Variants in GRIN3A observed in about 807,000 individuals in gnomAD.
GRIN3A encodes the protein glutamate ionotropic receptor NMDA type subunit 3A.
A neutral mutation model predicts 92.4 loss-of-function variants in GRIN3A; 47 were observed. The ratio of observed to expected loss-of-function variants is 0.51; its 90% CI spans 0.40 to 0.65. GRIN3A has a LOEUF of 0.65. Ranked by LOEUF, GRIN3A falls within the 30% of genes least tolerant of loss-of-function variation. GRIN3A has a pLI of 0.00. For synonymous variants in GRIN3A, 527 were observed against 540.6 expected (o/e 0.97, Z 0.35); for missense variants, 1,324 against 1,393.1 (o/e 0.95, Z 0.79).
At chr9:101,611,195 G>T (rs535208964) in intron 6 of GRIN3A, among the ~76,000 whole-genome samples, 1 of 152,036 alleles carries the variant, frequency 6.6e-6, no homozygotes, top group Admixed American at 6.6e-5. Flanking sequence ...GTGTCAGCAG[G>T]GTTAGTTCCT....
chr9:101,711,534 C>T (rs1008131601), intron 1 of GRIN3A, among the ~76,000 whole-genome samples: 1 of 152,132 alleles, frequency 6.6e-6, no homozygotes, highest in Non-Finnish European at 1.5e-5. Context: ...CCAGTAGAGG[C>T]CACTAGGGGG....
chr9:101,635,258 C>A (rs562969015), intron 3 of GRIN3A, among the ~76,000 whole-genome samples: 3 of 148,708 alleles, frequency 2.0e-5, no homozygotes, highest in South Asian at 2.1e-4. Flanking sequence ...TAGAGGTCAG[C>A]AAATTACGGT....
At chr9:101,730,545 A>AG (rs1272879506) in intron 1 of GRIN3A, among the ~76,000 whole-genome samples, 9 of 152,316 alleles carry the variant, frequency 5.9e-5, no homozygotes, top group African/African-American at 2.2e-4. Flanking sequence ...ATGTCTAAAA[A>AG]GTTGTACAGC....
intron 1 of GRIN3A, among the ~76,000 whole-genome samples, chr9:101,719,040 G>C (rs1829978104): frequency 6.6e-6 from 1 of 152,200 alleles, no homozygotes; most frequent in South Asian, 2.1e-4. Flanking sequence ...CTGAATGCCT[G>C]AAGTTTGGGA....
At chr9:101,643,281 C>T (rs760308883) in intron 3 of GRIN3A, among the ~76,000 whole-genome samples, 3 of 151,990 alleles carry the variant, frequency 2.0e-5, no homozygotes, top group Admixed American at 6.6e-5. Flanking sequence ...TACAAATAGC[C>T]ACAAAGTATA....
intron 1 of GRIN3A, among the ~76,000 whole-genome samples, chr9:101,728,762 C>A (rs553488157): frequency 1.3e-5 from 2 of 152,224 alleles, no homozygotes; most frequent in Admixed American, 6.5e-5. Context: ...AGTGCATGGG[C>A]ACTGCTTTTA....
At chr9:101,683,827 GGAGAGAGAGAGAGAGACAGTGAGAGA>G (rs1386679462) in intron 2 of GRIN3A, among the ~76,000 whole-genome samples, 22 of 131,958 alleles carry the variant, frequency 1.7e-4, no homozygotes, top group Middle Eastern at 4.0e-3. Context: ...CCCACCATAA[GGAGAGAGAGAGAGAGACAGTGAGAGA>G]GAGAGAGAGA....
intron 2 of GRIN3A, 72 bp downstream of exon 2, chr9:101,686,523 CG>C (rs1457775256): frequency 5.8e-5 from 89 of 1,533,806 alleles, no homozygotes; most frequent in Middle Eastern, 5.0e-4. Flanking sequence ...TTCTGCAAAG[CG>C]GACAGATAGG....
chr9:101,597,328 G>T (rs148195868), intron 6 of GRIN3A, among the ~76,000 whole-genome samples: 2 of 152,110 alleles, frequency 1.3e-5, no homozygotes, highest in African/African-American at 4.8e-5. Flanking sequence ...GGAAGTGGGG[G>T]CTGGGTAGGA....
chr9:101,594,346 C>A, intron 6 of GRIN3A: 1 of 1,525,648 alleles, frequency 6.6e-7, no homozygotes, highest in Non-Finnish European at 8.8e-7. Context: ...ACGTCTTGAG[C>A]AAATCTTGAA....
chr9:101,639,801 G>A (rs925993246), intron 3 of GRIN3A, among the ~76,000 whole-genome samples: 6 of 152,276 alleles, frequency 3.9e-5, no homozygotes, highest in African/African-American at 1.4e-4. Context: ...CTAAAGGTAA[G>A]AAGTTATACA....
chr9:101,616,889 A>T lies in GRIN3A; in HGVS notation c.2615-3362T>A, dbSNP rs1346760227. 4.8e-4 allele frequency among the ~76,000 whole-genome samples: 22 copies of T among 45,584 alleles called. 1 individual carries two copies. Among genetic ancestry groups the T allele is most frequent in the Admixed American group, 4.2e-3 (18 of 4,292 alleles). 29.9% of individuals were successfully genotyped at this position (45,584 alleles called of 152,430 possible). A position where few individuals can be genotyped will look rare whatever the true frequency, so the allele number is the denominator to read the frequency against. The stretch of plus-strand genomic sequence containing the variant: ...ACATGTACCCTAAAACTTAAAGTAT[A>T]AAAAAAAAAAAAAAAAAAAGGAACA... On this transcript the variant is annotated intron_variant, in intron 5 of 8. Transcript: ENST00000361820.
At chr9:101,638,264 A>C (rs1828809909) in intron 3 of GRIN3A, among the ~76,000 whole-genome samples, 1 of 152,194 alleles carries the variant, frequency 6.6e-6, no homozygotes, top group Non-Finnish European at 1.5e-5. Flanking sequence ...AAGCCAACAA[A>C]TTATAGAATT....
At chr9:101,687,581 C>G (rs190021663) in intron 1 of GRIN3A, among the ~76,000 whole-genome samples, 1 of 152,050 alleles carries the variant, frequency 6.6e-6, no homozygotes, top group African/African-American at 2.4e-5. Flanking sequence ...TGATCTCATA[C>G]GCAATAAGGA....
intron 1 of GRIN3A, among the ~76,000 whole-genome samples, chr9:101,694,157 C>T (rs1829652924): frequency 6.6e-6 from 1 of 152,260 alleles, no homozygotes; most frequent in African/African-American, 2.4e-5. Flanking sequence ...GTTTGGTGAT[C>T]TGGAACAGGG....
chr9:101,665,774 A>G (rs766551), intron 3 of GRIN3A, among the ~76,000 whole-genome samples: 51,152 of 151,810 alleles, frequency 0.34, 9,488 homozygotes, highest in Non-Finnish European at 0.42. Flanking sequence ...AATTTGAAAA[A>G]TGAAAAGGGA....
rs1480560419 is a variant in GRIN3A at position 101,738,310 on chromosome 9, T to C, written c.-331A>G. 1 of 361,836 alleles carries C rather than the reference T, an allele frequency of 2.8e-6. No homozygotes were observed. Among genetic ancestry groups the C allele is most frequent in the African/African-American group, 2.2e-5 (1 of 45,282 alleles). The allele number at this position is 361,836 out of a possible 1,614,324, so 22.4% of individuals were successfully genotyped here. A position where few individuals can be genotyped will look rare whatever the true frequency, so the allele number is the denominator to read the frequency against. Reference sequence around the variant, plus strand: ...CCCATCTGCAGGGCGCCTCGGGCACTGCGTCCGGCCCCGCGAGGCGGCCGG... The same window carrying C: ...CCCATCTGCAGGGCGCCTCGGGCACCGCGTCCGGCCCCGCGAGGCGGCCGG... On this transcript the variant is annotated 5_prime_UTR_variant, in exon 1 of 9. Transcript: ENST00000361820.
intron 6 of GRIN3A, among the ~76,000 whole-genome samples, chr9:101,602,676 T>A (rs1438280002): frequency 6.6e-6 from 1 of 152,372 alleles, no homozygotes; most frequent in African/African-American, 2.4e-5. Context: ...TGCCCAAGTA[T>A]CTCTGGCATA....
chr9:101,703,021 G>A (rs781590532), intron 1 of GRIN3A, among the ~76,000 whole-genome samples: 136 of 152,058 alleles, frequency 8.9e-4, no homozygotes, highest in Middle Eastern at 3.4e-3. Context: ...CCTGGTCTAC[G>A]GTGACAGACT....
Sources: gnomAD v4.1 joint callset for allele counts (sites outside exome capture counted in the v4.1 genomes callset) on GRCh38, gnomAD v4.1.1 for gene constraint, MANE v1.5 for transcripts, NCBI Gene and HGNC (gene_info 2026-07-23, HGNC 2026-07-21) for gene names.